The following ZNF710 variants were observed in gnomAD, a reference collection of about 807,000 sequenced individuals.
ZNF710 encodes the protein zinc finger protein 710.
ZNF710 carries 13 observed loss-of-function variants against 50.6 expected under a neutral mutation model. The ratio of observed to expected loss-of-function variants is 0.26; its 90% CI spans 0.17 to 0.41. ZNF710 has a LOEUF of 0.41. Among genes scored for constraint, ZNF710 ranks in the 10% least tolerant of loss-of-function variants. The probability of loss-of-function intolerance (pLI) is 1.00; values close to 1 mark genes in which losing one functional copy is unlikely to be tolerated. For synonymous variants in ZNF710, 383 were observed against 397.0 expected (o/e 0.96, Z 0.42); for missense variants, 721 against 936.6 (o/e 0.77, Z 3.01).
At chr15:90,028,468 G>T (rs1898841248) in intron 1 of ZNF710, among the ~76,000 whole-genome samples, 1 of 152,184 alleles carries the variant, frequency 6.6e-6, no homozygotes, top group Non-Finnish European at 1.5e-5. Context: ...AAGAAAACAT[G>T]CATTTATTGT....
At chr15:90,035,522 T>C (rs978101460) in intron 1 of ZNF710, among the ~76,000 whole-genome samples, 4 of 152,224 alleles carry the variant, frequency 2.6e-5, no homozygotes, top group African/African-American at 9.6e-5. Flanking sequence ...CGGGACAGGA[T>C]CAGGACCATG....
At chr15:89,999,347 T>C (rs910230526), upstream of ZNF710, among the ~76,000 whole-genome samples, 1 of 152,254 alleles carries the variant, frequency 6.6e-6, no homozygotes, top group African/African-American at 2.4e-5. Context: ...AGCCAGCACC[T>C]TCGCCGGCAC....
At chr15:90,055,513 A>G (rs1228469870) in intron 1 of ZNF710, among the ~76,000 whole-genome samples, 1 of 152,182 alleles carries the variant, frequency 6.6e-6, no homozygotes, top group Non-Finnish European at 1.5e-5. Flanking sequence ...TGCAAGAGCA[A>G]TGGGAGGTGA....
rs776906355 is a variant in ZNF710, at chr15:90,067,219, G to C, written c.82G>C (p.Val28Leu). 1.2e-6 allele frequency: 2 copies of C among 1,613,858 alleles called. No homozygotes were observed. The highest frequency in any genetic ancestry group is 1.7e-6 in the Non-Finnish European group (2 of 1,179,938). Reference protein sequence around the residue: ...SLAQAAVLGLVSENELFGATI... With the variant: ...SLAQAAVLGLLSENELFGATI... Reference sequence around the variant, plus strand: ...GGCTCAGGCCGCCGTGCTTGGCCTGGTCTCCGAAAATGAGCTCTTTGGAGC... The same window carrying C: ...GGCTCAGGCCGCCGTGCTTGGCCTGCTCTCCGAAAATGAGCTCTTTGGAGC... The change falls in exon 2 of 5, where the codon GTC becomes CTC. Residue 28 changes from valine (V) to leucine (L), a missense_variant. By Grantham distance (32) the Val-to-Leu change is conservative. Around this residue, in one of 3 missense-constraint regions of ZNF710, gnomAD observed 326 missense variants for 347.1 expected, o/e 0.94. Transcript: ENST00000268154. The surrounding 1 kb of genome is among the most constrained non-coding windows in gnomAD (Gnocchi z 8.1).
intron 1 of ZNF710, among the ~76,000 whole-genome samples, chr15:90,012,971 G>T (rs1428276466): frequency 6.6e-6 from 1 of 151,722 alleles, no homozygotes; most frequent in Non-Finnish European, 1.5e-5. Context: ...TTTGTATTCT[G>T]TATCCAATAA....
intron 4 of ZNF710, among the ~76,000 whole-genome samples, chr15:90,079,431 A>G (rs994113090): frequency 3.3e-5 from 5 of 152,190 alleles, no homozygotes; most frequent in African/African-American, 4.8e-5. Flanking sequence ...GCCCTCACTG[A>G]TAGCACCCAC....
At chr15:90,055,512 A>C (rs1899784666) in intron 1 of ZNF710, among the ~76,000 whole-genome samples, 1 of 152,186 alleles carries the variant, frequency 6.6e-6, no homozygotes, top group South Asian at 2.1e-4. Flanking sequence ...TTGCAAGAGC[A>C]ATGGGAGGTG....
chr15:90,027,324 C>T (rs1306419881), intron 1 of ZNF710, among the ~76,000 whole-genome samples: 1 of 152,030 alleles, frequency 6.6e-6, no homozygotes, highest in Non-Finnish European at 1.5e-5. Context: ...GATTCTCCTG[C>T]CTCAGCCTCC....
Position 90,015,861 on chromosome 15 carries a change from A to G in ZNF710, c.-29+14247A>G, listed in dbSNP as rs1212190392. ...CCTGGACTCAAGCAATCCCCCCTTC[A>G]GCCTCCCAAAGTGTTGGGATTACAG... On this transcript the variant is annotated intron_variant, in intron 1 of 4. Coordinates refer to ENST00000268154, the MANE Select transcript of ZNF710 (RefSeq NM_198526.4). Among the ~76,000 whole-genome samples the G allele has an allele frequency of 2.0e-5, 3 of 152,264 alleles. No individual in the cohort carries two copies. The East Asian group carries it at 5.8e-4, about 29-fold the overall frequency.
intron 1 of ZNF710, among the ~76,000 whole-genome samples, chr15:90,020,477 A>G (rs561650259): frequency 2.7e-5 from 3 of 111,820 alleles, no homozygotes; most frequent in East Asian, 4.0e-4. Context: ...GGAGGCCCGA[A>G]CTGCCTCCCC....
At chr15:89,999,120 C>T (rs535849156), upstream of ZNF710, among the ~76,000 whole-genome samples, 4 of 152,318 alleles carry the variant, frequency 2.6e-5, no homozygotes, top group African/African-American at 9.6e-5. Flanking sequence ...ACTGTTCTCT[C>T]CCATGCATTT....
chr15:90,016,578 A>G (rs1263193120), intron 1 of ZNF710, among the ~76,000 whole-genome samples: 1 of 152,146 alleles, frequency 6.6e-6, no homozygotes, highest in African/African-American at 2.4e-5. Flanking sequence ...AGTAGCTGGG[A>G]CTACAGGCAT....
Position 90,043,650 on chromosome 15 carries a change from C to T in ZNF710, c.-28-23460C>T, listed in dbSNP as rs1247882276. Among the ~76,000 whole-genome samples, 3 of 152,242 alleles carry T rather than the reference C, an allele frequency of 2.0e-5. No homozygotes were observed. In the South Asian group the frequency reaches 6.2e-4, roughly 31 times the overall value. On this transcript the variant is annotated intron_variant, in intron 1 of 4. Transcript: ENST00000268154. ...GAAAAGAAGAAAGGGTTTGCATTGT[C>T]ACCGTGATTGGCACCGCCTGTGAAT...
Position 90,016,564 on chromosome 15 carries a change from C to G in ZNF710, c.-29+14950C>G, listed in dbSNP as rs138834490. ...TCAAGTGATCCTCCTGCCTCGGCCTCCCAAGTAGCTGGGACTACAGGCATG... is the reference window on the plus strand; with the variant it reads ...TCAAGTGATCCTCCTGCCTCGGCCTGCCAAGTAGCTGGGACTACAGGCATG... On this transcript the variant is annotated intron_variant, in intron 1 of 4. Transcript: ENST00000268154. Among the ~76,000 whole-genome samples, 30 of 152,296 alleles carry G rather than the reference C, an allele frequency of 2.0e-4. No individual in the cohort carries two copies. The East Asian group carries it at 5.6e-3, about 28-fold the overall frequency.
Position 90,059,275 on chromosome 15 carries a change from G to A in ZNF710, c.-28-7835G>A, listed in dbSNP as rs1433216956. Among the ~76,000 whole-genome samples the A allele has an allele frequency of 6.6e-6, 1 of 152,214 alleles. No individual in the cohort carries two copies. The highest frequency in any genetic ancestry group is 2.4e-5 in the African/African-American group (1 of 41,460). On this transcript the variant is annotated intron_variant, in intron 1 of 4. Coordinates refer to ENST00000268154, the MANE Select transcript of ZNF710 (RefSeq NM_198526.4). This position sits in a 1 kb window ranked among gnomAD's most constrained non-coding sequence, Gnocchi z 4.1. ...GGTGAGTTGGGGGCAGAGGGGCAGTGGAGCCTGCCTGGGAGCCATCTTGGG... is the reference window on the plus strand; with the variant it reads ...GGTGAGTTGGGGGCAGAGGGGCAGTAGAGCCTGCCTGGGAGCCATCTTGGG...
chr15:90,057,079 A>C (rs1899843084), intron 1 of ZNF710, among the ~76,000 whole-genome samples: 2 of 151,552 alleles, frequency 1.3e-5, no homozygotes, highest in Middle Eastern at 3.4e-3. Flanking sequence ...ACTCTACCCC[A>C]TGGCGCTCCT....
chr15:90,033,934 G>T (rs899963467), intron 1 of ZNF710, among the ~76,000 whole-genome samples: 15 of 152,176 alleles, frequency 9.9e-5, no homozygotes, highest in African/African-American at 3.6e-4. Flanking sequence ...GGATGCGGTG[G>T]CTCATGCCTG....
At chr15:90,001,777 C>A (rs1002835218) in intron 1 of ZNF710, among the ~76,000 whole-genome samples, 163 bp downstream of exon 1, 2 of 146,470 alleles carry the variant, frequency 1.4e-5, no homozygotes, top group African/African-American at 5.0e-5. Context: ...GCCCGCGCCG[C>A]GCTGCAAACA....
At chr15:90,020,483 TCC>T (rs398043557) in intron 1 of ZNF710, among the ~76,000 whole-genome samples, 2 of 98,400 alleles carry the variant, frequency 2.0e-5, no homozygotes, top group Non-Finnish European at 4.6e-5. Context: ...CCGAACTGCC[TCC>T]CCGCCCCCGG....
Sources: allele counts gnomAD v4.1 joint callset (sites outside exome capture counted in the v4.1 genomes callset), GRCh38; gene constraint gnomAD v4.1.1; regional missense constraint gnomAD v4.1.1; non-coding constraint Gnocchi (gnomAD v3.1); transcripts MANE v1.5; gene names NCBI Gene and HGNC (gene_info 2026-07-23, HGNC 2026-07-21).